Variants in NPAS3 observed in about 807,000 individuals in gnomAD.
NPAS3 encodes the protein neuronal PAS domain-containing protein 3.
Under a neutral mutation model 73.1 loss-of-function variants are expected in NPAS3, and 14 were observed. The ratio of observed to expected loss-of-function variants is 0.19; its 90% CI spans 0.13 to 0.30. The LOEUF (loss-of-function observed/expected upper bound fraction) is 0.30, where lower values mean the gene tolerates loss of function less well. Ranked by LOEUF, NPAS3 falls within the 10% of genes least tolerant of loss-of-function variation. The probability of loss-of-function intolerance (pLI) is 1.00; values close to 1 mark genes in which losing one functional copy is unlikely to be tolerated. For synonymous variants in NPAS3, 620 were observed against 541.5 expected, an observed-to-expected ratio of 1.14 and a Z score of -2.01; for missense variants, 1,096 against 1,250.0, an observed-to-expected ratio of 0.88 and a Z score of 1.86.
intron 3 of NPAS3, among the ~76,000 whole-genome samples, chr14:33,343,268 G>T (rs1004760436): frequency 1.3e-5 from 2 of 152,084 alleles, no homozygotes; most frequent in African/African-American, 4.8e-5. Context: ...GGTTTGTTTT[G>T]TGAGCACTTT....
chr14:33,712,669 A>T (rs1392887070), intron 6 of NPAS3, among the ~76,000 whole-genome samples: 1 of 152,210 alleles, frequency 6.6e-6, no homozygotes, highest in Admixed American at 6.5e-5. Context: ...TGCTAAATGA[A>T]GTCAGATATC....
intron 4 of NPAS3, among the ~76,000 whole-genome samples, chr14:33,371,631 A>G (rs1485659781): frequency 2.6e-5 from 4 of 152,288 alleles, no homozygotes; most frequent in Admixed American, 1.3e-4. Flanking sequence ...TTTTCCTGCT[A>G]TTGAGTATTT....
At chr14:33,191,593 GT>G (rs754649968) in intron 2 of NPAS3, among the ~76,000 whole-genome samples, 5 of 152,150 alleles carry the variant, frequency 3.3e-5, no homozygotes, top group Non-Finnish European at 5.9e-5. Flanking sequence ...GCTGGATCAT[GT>G]TTTAATCTGA....
intron 2 of NPAS3, among the ~76,000 whole-genome samples, chr14:33,079,311 ACTTTTT>A (rs2041778320): frequency 7.3e-6 from 1 of 136,882 alleles, no homozygotes; most frequent in Non-Finnish European, 1.6e-5. Context: ...CTTGATTTGT[ACTTTTT>A]CTTTTTCCTT....
intron 4 of NPAS3, among the ~76,000 whole-genome samples, chr14:33,446,681 C>A (rs534602233): frequency 6.6e-6 from 1 of 152,070 alleles, no homozygotes; most frequent in African/African-American, 2.4e-5. Context: ...TTTTTAACTG[C>A]GTAATTCTAT....
intron 4 of NPAS3, among the ~76,000 whole-genome samples, chr14:33,396,367 G>A (rs1343347781): frequency 6.6e-6 from 1 of 152,066 alleles, no homozygotes; most frequent in East Asian, 1.9e-4. Context: ...GATTAAACGT[G>A]GGTGATTTCA....
intron 2 of NPAS3, among the ~76,000 whole-genome samples, chr14:33,176,693 T>C (rs913412922): frequency 2.0e-5 from 3 of 152,184 alleles, no homozygotes; most frequent in African/African-American, 7.2e-5. Context: ...CGTACAAATA[T>C]CTCCTTGAGT....
chr14:33,648,912 C>A (rs1294012340), intron 5 of NPAS3, among the ~76,000 whole-genome samples: 1 of 152,116 alleles, frequency 6.6e-6, no homozygotes, highest in African/African-American at 2.4e-5. Flanking sequence ...TGTGCTGCCC[C>A]CCAGAATTCT....
chr14:33,573,574 G>T (rs78343406), intron 5 of NPAS3, among the ~76,000 whole-genome samples: 1 of 152,144 alleles, frequency 6.6e-6, no homozygotes, highest in African/African-American at 2.4e-5. Flanking sequence ...TGTAGGAAAC[G>T]GAAAGGTAGC....
chr14:33,583,604 A>G lies in NPAS3; in HGVS notation c.558+23394A>G, dbSNP rs115279845. On this transcript the variant is annotated intron_variant, in intron 5 of 11. Coordinates refer to ENST00000356141, the Ensembl canonical transcript of NPAS3. ...AGGTACAATGTAAATCTGTAATTCC[A>G]TAGCAGAGAAACAAATCTCTTTTTC... is the stretch of plus-strand genomic sequence containing the variant. 3.6e-3 allele frequency among the ~76,000 whole-genome samples: 554 copies of G among 152,350 alleles called. 2 individuals carry two copies. The highest frequency in any genetic ancestry group is 0.013 in the African/African-American group (529 of 41,572).
chr14:33,680,744 G>C (rs533484385), intron 6 of NPAS3: 40 of 673,058 alleles, frequency 5.9e-5, no homozygotes, highest in South Asian at 5.8e-4. Flanking sequence ...GTTCATAGAG[G>C]GGAAAATCAA....
At chr14:33,007,161 C>T (rs1182177689) in intron 1 of NPAS3, among the ~76,000 whole-genome samples, 2 of 152,120 alleles carry the variant, frequency 1.3e-5, no homozygotes, top group Admixed American at 6.5e-5. Flanking sequence ...ATTATAAGTA[C>T]CCCTTTCTAA....
chr14:33,715,745 C>T (rs2060941221), intron 6 of NPAS3, among the ~76,000 whole-genome samples: 1 of 152,200 alleles, frequency 6.6e-6, no homozygotes, highest in African/African-American at 2.4e-5. Flanking sequence ...ACCCAAATCT[C>T]ATCTTAACTG....
chr14:33,087,466 A>G (rs1206692829), intron 2 of NPAS3, among the ~76,000 whole-genome samples: 1 of 151,960 alleles, frequency 6.6e-6, no homozygotes, highest in East Asian at 1.9e-4. Context: ...TAATGCTAGA[A>G]AGTAATAAGT....
At chr14:33,552,583 A>G (rs1374295419) in intron 4 of NPAS3, among the ~76,000 whole-genome samples, 2 of 152,178 alleles carry the variant, frequency 1.3e-5, no homozygotes, top group Non-Finnish European at 2.9e-5. Flanking sequence ...TATAACATAC[A>G]TATAATGAAG....
chr14:33,069,926 T>C (rs771384397), intron 2 of NPAS3, among the ~76,000 whole-genome samples: 57 of 152,304 alleles, frequency 3.7e-4, no homozygotes, highest in Non-Finnish European at 6.8e-4. Flanking sequence ...GAGAATTGCA[T>C]TGTGATTAGT....
chr14:33,603,643 G>A (rs956656993), intron 5 of NPAS3, among the ~76,000 whole-genome samples: 1 of 152,140 alleles, frequency 6.6e-6, no homozygotes, highest in Non-Finnish European at 1.5e-5. Context: ...AGGAAGTTGG[G>A]AAATATATTG....
intron 2 of NPAS3, among the ~76,000 whole-genome samples, chr14:33,155,993 A>G (rs1378551252): frequency 2.0e-5 from 3 of 152,082 alleles, no homozygotes; most frequent in African/African-American, 7.3e-5. Flanking sequence ...CTTGGCAAAG[A>G]TAGATCACCA....
At chr14:33,748,475 A>C (rs1484620886) in intron 7 of NPAS3, among the ~76,000 whole-genome samples, 1 of 152,182 alleles carries the variant, frequency 6.6e-6, no homozygotes, top group Non-Finnish European at 1.5e-5. Flanking sequence ...GAGATACTTG[A>C]TTATTACTTG....
Sources: gnomAD v4.1 joint callset for allele counts (sites outside exome capture counted in the v4.1 genomes callset) on GRCh38, gnomAD v4.1.1 for gene constraint, MANE v1.5 for transcripts, NCBI Gene and HGNC (gene_info 2026-07-23, HGNC 2026-07-21) for gene names.